The following SNX9 variants were observed in gnomAD, a reference collection of about 807,000 sequenced individuals.
SNX9 encodes the protein sorting nexin-9.
A neutral mutation model predicts 89.4 loss-of-function variants in SNX9; 44 were observed. That is an observed-to-expected ratio of 0.49 (90% CI 0.39 to 0.63). The LOEUF is 0.63. SNX9 is among the 30% of genes least tolerant of loss of function. The probability of loss-of-function intolerance (pLI) is 0.00; values close to 1 mark genes in which losing one functional copy is unlikely to be tolerated. For synonymous variants in SNX9, 236 were observed against 247.8 expected (o/e 0.95, Z 0.45); for missense variants, 578 against 736.1 (o/e 0.79, Z 2.49).
chr6:157,865,207 T>A (rs1474410645), intron 1 of SNX9, among the ~76,000 whole-genome samples: 1 of 149,802 alleles, frequency 6.7e-6, no homozygotes, highest in Non-Finnish European at 1.5e-5. Flanking sequence ...AGTGTGGTGG[T>A]AGGCGCCTGT....
At chr6:157,927,852 G>A (rs774602639) in intron 11 of SNX9, among the ~76,000 whole-genome samples, 22 of 149,192 alleles carry the variant, frequency 1.5e-4, no homozygotes, top group Non-Finnish European at 3.0e-4. Flanking sequence ...TCAGCCTCTC[G>A]AGTAGCTGGG....
chr6:157,892,825 A>C (rs952389323), intron 4 of SNX9: 5 of 152,292 alleles, frequency 3.3e-5, no homozygotes, highest in African/African-American at 1.2e-4. Flanking sequence ...TTTGTGATGT[A>C]CCTCACTTAG....
At chr6:157,911,112 CAAATAAAT>C (rs3838669) in intron 9 of SNX9, among the ~76,000 whole-genome samples, 38,614 of 150,482 alleles carry the variant, frequency 0.26, 5,281 homozygotes, top group African/African-American at 0.35. Context: ...GACTCTGTCT[CAAATAAAT>C]AAATAAATAA....
rs541419108 is a variant in SNX9, at chr6:157,934,930, A to G, written c.1367-1034A>G. 1.4e-4 allele frequency among the ~76,000 whole-genome samples: 21 copies of G among 152,334 alleles called. No homozygotes were observed. The South Asian group carries it at 3.7e-3, about 27-fold the overall frequency. ...AGTGAACCAGGGTTCCTATCAAAAGACTTAGATACCAATTGGAAGAGCCTA... is the reference window on the plus strand; with the variant it reads ...AGTGAACCAGGGTTCCTATCAAAAGGCTTAGATACCAATTGGAAGAGCCTA... On this transcript the variant is annotated intron_variant, in intron 13 of 17. Transcript: ENST00000392185.
chr6:157,915,227 G>A (rs953343025), intron 9 of SNX9, among the ~76,000 whole-genome samples: 7 of 152,242 alleles, frequency 4.6e-5, no homozygotes, highest in South Asian at 2.1e-4. Flanking sequence ...ATCAAGTAGC[G>A]TGAATCCTCC....
At chr6:157,894,400 G>C (rs1178603741) in intron 4 of SNX9, among the ~76,000 whole-genome samples, 3 of 147,638 alleles carry the variant, frequency 2.0e-5, no homozygotes, top group African/African-American at 7.5e-5. Context: ...ATGAGCCACT[G>C]TGCCCGGCCC....
chr6:157,875,614 G>A (rs1251619572), intron 4 of SNX9, among the ~76,000 whole-genome samples: 1 of 152,204 alleles, frequency 6.6e-6, no homozygotes, highest in Admixed American at 6.5e-5. Context: ...CATCCTGCGA[G>A]TAGAAGCAGT....
intron 4 of SNX9, among the ~76,000 whole-genome samples, chr6:157,894,895 G>A (rs769951140): frequency 6.2e-4 from 94 of 152,298 alleles, no homozygotes; most frequent in South Asian, 1.9e-3. Flanking sequence ...CAGGATGGCT[G>A]ATTAATAGAA....
At chr6:157,888,757 A>T (rs928932776) in intron 4 of SNX9, among the ~76,000 whole-genome samples, 1 of 152,204 alleles carries the variant, frequency 6.6e-6, no homozygotes, top group Non-Finnish European at 1.5e-5. Flanking sequence ...CAGGTAAAGT[A>T]TCTTACAGGA....
intron 1 of SNX9, among the ~76,000 whole-genome samples, chr6:157,832,746 G>T (rs909208849): frequency 6.6e-6 from 1 of 152,052 alleles, no homozygotes; most frequent in African/African-American, 2.4e-5. Flanking sequence ...GAACAGCATG[G>T]GGGTAACTGC....
intron 1 of SNX9, among the ~76,000 whole-genome samples, chr6:157,842,972 A>G (rs1269007842): frequency 6.6e-6 from 1 of 152,222 alleles, no homozygotes; most frequent in East Asian, 1.9e-4. Context: ...GAGTCAAACC[A>G]TGGATCAAAT....
At chr6:157,900,242 C>T (rs960387255) in intron 5 of SNX9, among the ~76,000 whole-genome samples, 4 of 152,002 alleles carry the variant, frequency 2.6e-5, no homozygotes, top group Admixed American at 1.3e-4. Context: ...TTTCATATAC[C>T]TCTTGGCCAT....
chr6:157,837,602 G>T (rs531324266), intron 1 of SNX9, among the ~76,000 whole-genome samples: 6 of 152,246 alleles, frequency 3.9e-5, no homozygotes, highest in Admixed American at 3.9e-4. Flanking sequence ...AAGCTTTAAG[G>T]AAGTAAAGAA....
chr6:157,831,456 A>G (rs1781477713), intron 1 of SNX9, among the ~76,000 whole-genome samples: 1 of 151,966 alleles, frequency 6.6e-6, no homozygotes. Flanking sequence ...CATCCCCACT[A>G]CTCTGTATCA....
At chr6:157,848,483 T>A (rs1316268856) in intron 1 of SNX9, among the ~76,000 whole-genome samples, 2 of 152,274 alleles carry the variant, frequency 1.3e-5, no homozygotes, top group Non-Finnish European at 2.9e-5. Context: ...AGTTTAATGA[T>A]TGCCTGTTAA....
intron 1 of SNX9, among the ~76,000 whole-genome samples, chr6:157,861,225 G>C (rs1782112614): frequency 6.6e-6 from 1 of 152,084 alleles, no homozygotes. Flanking sequence ...CTATCATCTT[G>C]ACTATACTTT....
intron 13 of SNX9, among the ~76,000 whole-genome samples, chr6:157,934,816 G>A (rs956500925): frequency 6.6e-6 from 1 of 152,080 alleles, no homozygotes; most frequent in Non-Finnish European, 1.5e-5. Context: ...AATACAGTTT[G>A]CCTTTCTGTT....
chr6:157,915,334 G>A (rs1783438333), intron 9 of SNX9, among the ~76,000 whole-genome samples: 1 of 151,782 alleles, frequency 6.6e-6, no homozygotes, highest in Non-Finnish European at 1.5e-5. Context: ...TAATCATGCT[G>A]GAATTTTTAT....
chr6:157,913,273 T>C (rs1562616119), intron 9 of SNX9, among the ~76,000 whole-genome samples: 1 of 152,110 alleles, frequency 6.6e-6, no homozygotes, highest in Non-Finnish European at 1.5e-5. Flanking sequence ...TTTTTTGATA[T>C]GTAGGTGCAT....
Sources: gnomAD v4.1 joint callset for allele counts (sites outside exome capture counted in the v4.1 genomes callset) on GRCh38, gnomAD v4.1.1 for gene constraint, MANE v1.5 for transcripts, NCBI Gene and HGNC (gene_info 2026-07-23, HGNC 2026-07-21) for gene names.